The following DNM2 variants were observed in gnomAD, a reference collection of about 807,000 sequenced individuals.
DNM2 encodes the protein dynamin 2.
In DNM2, 15 loss-of-function variants were observed where a neutral mutation model predicts 99.0. That is an observed-to-expected ratio of 0.15 (90% CI 0.10 to 0.23). The LOEUF (loss-of-function observed/expected upper bound fraction) is 0.23, where lower values mean the gene tolerates loss of function less well. DNM2 is among the 10% of genes least tolerant of loss of function. The pLI is 1.00. For missense variants in DNM2, 742 were observed against 1,189.4 expected (o/e 0.62, Z 5.53); for synonymous variants, 525 against 481.2 (o/e 1.09, Z -1.19).
At chr19:10,746,180 C>G (rs529786769) in intron 1 of DNM2, among the ~76,000 whole-genome samples, 1 of 152,160 alleles carries the variant, frequency 6.6e-6, no homozygotes, top group Non-Finnish European at 1.5e-5. Flanking sequence ...AGGCTGCTCT[C>G]GAACTCTGGA....
At chr19:10,737,588 C>T (rs571814448) in intron 1 of DNM2, among the ~76,000 whole-genome samples, 9 of 152,206 alleles carry the variant, frequency 5.9e-5, no homozygotes, top group South Asian at 4.1e-4. Flanking sequence ...CGGGTTCAAG[C>T]GATTCTCCTG....
At chr19:10,739,372 T>C (rs78333150) in intron 1 of DNM2, among the ~76,000 whole-genome samples, 1,623 of 152,308 alleles carry the variant, frequency 0.011, 33 homozygotes, top group African/African-American at 0.037. Context: ...CACTATCTGA[T>C]TTTGTAGCAC....
At chr19:10,774,420 A>G (rs1366461532) in intron 3 of DNM2, among the ~76,000 whole-genome samples, 1 of 152,252 alleles carries the variant, frequency 6.6e-6, no homozygotes, top group Non-Finnish European at 1.5e-5. Context: ...TTAGCATAAC[A>G]TAAAAATCAC....
intron 1 of DNM2, among the ~76,000 whole-genome samples, chr19:10,759,077 G>T (rs57503658): frequency 0.014 from 2,083 of 152,300 alleles, 51 homozygotes; most frequent in African/African-American, 0.047. Flanking sequence ...TAGTAGCTGG[G>T]ATCACAGGCG....
intron 13 of DNM2, 105 bp from the exon 14 acceptor site, chr19:10,808,464 G>T (rs2072429754): frequency 1.2e-5 from 15 of 1,287,542 alleles, no homozygotes; most frequent in South Asian, 1.5e-5. Flanking sequence ...TCCTGTTTTT[G>T]TGCTTTTCCT....
intron 15 of DNM2, among the ~76,000 whole-genome samples, chr19:10,819,747 C>T (rs921424851): frequency 4.6e-5 from 7 of 152,104 alleles, no homozygotes; most frequent in Admixed American, 3.9e-4. Context: ...CCCGGTCGTC[C>T]GAAGGCCCTG....
chr19:10,784,118 C>G (rs1176681847), intron 6 of DNM2, among the ~76,000 whole-genome samples: 3 of 152,132 alleles, frequency 2.0e-5, no homozygotes, highest in Non-Finnish European at 4.4e-5. Context: ...TCGCTGTTTT[C>G]TAGCACCTTC....
At chr19:10,799,380 C>T (rs1016464862) in intron 11 of DNM2, among the ~76,000 whole-genome samples, 2 of 151,574 alleles carry the variant, frequency 1.3e-5, no homozygotes, top group African/African-American at 2.4e-5. Context: ...CTCCCCTCGG[C>T]GTCTGCATTT....
At chr19:10,800,513 T>C (rs955434102) in intron 11 of DNM2, among the ~76,000 whole-genome samples, 2 of 152,264 alleles carry the variant, frequency 1.3e-5, no homozygotes, top group African/African-American at 2.4e-5. Flanking sequence ...AGGCCGGATC[T>C]GAGAGCGCTG....
chr19:10,771,383 T>C (rs2070973291), intron 2 of DNM2, among the ~76,000 whole-genome samples: 1 of 152,184 alleles, frequency 6.6e-6, no homozygotes, highest in Non-Finnish European at 1.5e-5. Flanking sequence ...GACTTTCAGA[T>C]ACCCCCGGGT....
At chr19:10,788,246 A>AAG (rs954564637) in intron 7 of DNM2, among the ~76,000 whole-genome samples, 4 of 151,974 alleles carry the variant, frequency 2.6e-5, no homozygotes, top group African/African-American at 9.7e-5. Flanking sequence ...AAAAAAAAAA[A>AAG]AAAAAGAAGT....
chr19:10,806,031 A>T (rs2072325369), intron 13 of DNM2, 64 bp downstream of exon 13: 1 of 1,603,354 alleles, frequency 6.2e-7, no homozygotes, highest in Non-Finnish European at 8.5e-7. Flanking sequence ...AGTGACAGCT[A>T]AGCCCCCGTG....
chr19:10,751,776 G>A (rs748769441), intron 1 of DNM2, among the ~76,000 whole-genome samples: 7 of 152,230 alleles, frequency 4.6e-5, no homozygotes, highest in Non-Finnish European at 7.3e-5. Flanking sequence ...CGTCTCCGTC[G>A]CCCAGGCTGT....
intron 1 of DNM2, among the ~76,000 whole-genome samples, chr19:10,753,963 C>T (rs911274045): frequency 5.3e-5 from 8 of 152,028 alleles, no homozygotes; most frequent in Admixed American, 3.3e-4. Context: ...AGCAATATAT[C>T]TTATATATAA....
At position 10,718,559 on chromosome 19, in the gene DNM2, C is replaced by A. The variant is rs2068828850; in HGVS notation, c.161+156C>A. On this transcript the variant is annotated intron_variant, in intron 1 of 20. Transcript: ENST00000389253. ...TCGGGGAGGCGGGCCCTGTGGGACG[C>A]CCTGGGCAGAGGACTCCCTGCAGGG... 2.7e-6 allele frequency: 3 copies of A among 1,122,346 alleles called. No homozygotes were observed. The South Asian group carries it at 1.1e-4, about 42-fold the overall frequency. The allele number at this position is 1,122,346 out of a possible 1,614,324, so 69.5% of individuals were successfully genotyped here. A position where few individuals can be genotyped will look rare whatever the true frequency, so the allele number is the denominator to read the frequency against.
At chr19:10,724,671 A>G (rs2069055171) in intron 1 of DNM2, among the ~76,000 whole-genome samples, 3 of 152,126 alleles carry the variant, frequency 2.0e-5, no homozygotes, top group African/African-American at 7.2e-5. Context: ...CCAGGCCTCT[A>G]GGAACATTGT....
In DNM2 at chr19:10,775,818, G is replaced by A. The variant is rs751712223; in HGVS notation, c.501G>A (p.Glu167=). 1.2e-6 allele frequency: 2 copies of A among 1,614,132 alleles called. No homozygotes were observed. The highest frequency in any genetic ancestry group is 1.7e-5 in the Admixed American group (1 of 60,020). ...KDMILQFISR[E]SSLILAVTPA... is the part of the protein sequence containing the mutation. ...TGATCCTGCAGTTCATCAGCCGGGA[G>A]AGCAGCCTCATTCTGGCTGTCACGC... is the stretch of plus-strand genomic sequence containing the variant. The change falls in exon 4 of 21, where the codon GAG becomes GAA. Residue 167 remains glutamate (E), a synonymous_variant. Coordinates refer to ENST00000389253, the MANE Select transcript of DNM2 (RefSeq NM_001005361.3). The surrounding 1 kb of genome is among the most constrained non-coding windows in gnomAD (Gnocchi z 4.3).
intron 1 of DNM2, among the ~76,000 whole-genome samples, chr19:10,740,606 C>G (rs942179512): frequency 2.0e-5 from 3 of 152,160 alleles, no homozygotes. Flanking sequence ...AAACTCCTGA[C>G]CTCAGGTGAT....
intron 7 of DNM2, among the ~76,000 whole-genome samples, chr19:10,791,942 G>A (rs2071767237): frequency 6.6e-6 from 1 of 152,156 alleles, no homozygotes. Context: ...ACAAAAATTA[G>A]CTGGGCATGG....
Sources: allele counts gnomAD v4.1 joint callset (sites outside exome capture counted in the v4.1 genomes callset), GRCh38; gene constraint gnomAD v4.1.1; non-coding constraint Gnocchi (gnomAD v3.1); transcripts MANE v1.5; gene names NCBI Gene and HGNC (gene_info 2026-07-23, HGNC 2026-07-21).